The following MVB12B variants were observed in gnomAD, a reference collection of about 807,000 sequenced individuals.
MVB12B encodes multivesicular body subunit 12B, also known as ESCRT-I complex subunit MVB12B.
A neutral mutation model predicts 41.6 loss-of-function variants in MVB12B; 16 were observed. The ratio of observed to expected loss-of-function variants is 0.38; its 90% CI spans 0.26 to 0.58. The LOEUF is 0.58. MVB12B is among the 20% of genes least tolerant of loss of function. The probability of loss-of-function intolerance (pLI) is 0.62; values close to 1 mark genes in which losing one functional copy is unlikely to be tolerated. For missense variants in MVB12B, 274 were observed against 380.2 expected (o/e 0.72, Z 2.32); for synonymous variants, 133 against 139.7 (o/e 0.95, Z 0.34).
At chr9:126,354,276 C>G (rs1829825400) in intron 2 of MVB12B, among the ~76,000 whole-genome samples, 2 of 152,144 alleles carry the variant, frequency 1.3e-5, no homozygotes, top group Non-Finnish European at 2.9e-5. Flanking sequence ...ATCTTTCAGT[C>G]TTGTTCATAG....
chr9:126,374,197 G>T lies in MVB12B; in HGVS notation c.205-6867G>T, dbSNP rs963055443. Among the ~76,000 whole-genome samples the T allele has an allele frequency of 1.4e-4, 21 of 152,278 alleles. No homozygotes were observed. In the South Asian group the frequency reaches 4.1e-3, roughly 30 times the overall value. On this transcript the variant is annotated intron_variant, in intron 2 of 9. Transcript: ENST00000361171. ...AATAACGCTCATCCCATCTTACCAG[G>T]CTCCAGTTACAGAGCCCCACTTTCT...
chr9:126,462,503 A>G (rs1345434258), intron 7 of MVB12B, among the ~76,000 whole-genome samples: 1 of 152,198 alleles, frequency 6.6e-6, no homozygotes, highest in Non-Finnish European at 1.5e-5. Flanking sequence ...TAATTACAGC[A>G]ATTATTATTT....
intron 2 of MVB12B, among the ~76,000 whole-genome samples, chr9:126,345,749 C>T (rs1016071131): frequency 1.3e-5 from 2 of 152,226 alleles, no homozygotes; most frequent in Non-Finnish European, 2.9e-5. Context: ...CCAGAATAAG[C>T]AGGAACTTTG....
intron 2 of MVB12B, among the ~76,000 whole-genome samples, chr9:126,380,609 C>G (rs1018078261): frequency 8.5e-5 from 13 of 152,192 alleles, no homozygotes; most frequent in African/African-American, 3.1e-4. Context: ...ATCCCGTTGA[C>G]TGAAGCACCC....
In MVB12B at chr9:126,483,866, G is replaced by A. The variant is rs982921191; in HGVS notation, c.814-107G>A. ...TCCTGTGGAAAGTGGGTAGAGAAACGCTAGATCACACCGTGGCTTGAGGTG... is the reference window on the plus strand; with the variant it reads ...TCCTGTGGAAAGTGGGTAGAGAAACACTAGATCACACCGTGGCTTGAGGTG... On this transcript the variant is annotated intron_variant, in intron 8 of 9. Transcript: ENST00000361171. The A allele has an allele frequency of 3.4e-5, 39 of 1,162,280 alleles. No homozygotes were observed. The African/African-American group carries it at 4.8e-4, about 14-fold the overall frequency. 72.0% of individuals were successfully genotyped at this position (1,162,280 alleles called of 1,614,324 possible).
chr9:126,341,855 A>G (rs888332458), intron 2 of MVB12B, among the ~76,000 whole-genome samples: 16 of 152,172 alleles, frequency 1.1e-4, no homozygotes, highest in Non-Finnish European at 2.1e-4. Context: ...GAGAACTGCA[A>G]TGGTCAAGGC....
intron 7 of MVB12B, among the ~76,000 whole-genome samples, chr9:126,456,891 T>C (rs72758769): frequency 6.6e-6 from 1 of 152,310 alleles, no homozygotes; most frequent in Non-Finnish European, 1.5e-5. Flanking sequence ...CGTCTTACAA[T>C]TCTGGAACCT....
intron 7 of MVB12B, among the ~76,000 whole-genome samples, chr9:126,464,383 T>C (rs1043710871): frequency 6.6e-6 from 1 of 152,010 alleles, no homozygotes; most frequent in Non-Finnish European, 1.5e-5. Flanking sequence ...AATCCTAAAG[T>C]GTAGGGAGCA....
At chr9:126,327,353 C>A (rs1012533223) in intron 1 of MVB12B, 1 of 983,208 alleles carries the variant, frequency 1.0e-6, no homozygotes, top group Non-Finnish European at 1.2e-6. Flanking sequence ...CCCACCTGGG[C>A]ACAGACTGGG....
chr9:126,420,697 C>T (rs1831985519), intron 6 of MVB12B, among the ~76,000 whole-genome samples: 1 of 151,356 alleles, frequency 6.6e-6, no homozygotes, highest in Non-Finnish European at 1.5e-5. Context: ...AATTCTCCCG[C>T]CTCAGCTTCC....
At chr9:126,335,234 C>T (rs1249393071) in intron 1 of MVB12B, 1 of 1,182,496 alleles carries the variant, frequency 8.5e-7, no homozygotes, top group East Asian at 6.0e-5. Flanking sequence ...TTGACTCTGG[C>T]TGGTCACCAG....
At chr9:126,393,754 C>A (rs753244964) in intron 5 of MVB12B, among the ~76,000 whole-genome samples, 1 of 152,228 alleles carries the variant, frequency 6.6e-6, no homozygotes, top group Non-Finnish European at 1.5e-5. Flanking sequence ...GTTTACAGCC[C>A]CCTCAGCCAT....
intron 6 of MVB12B, among the ~76,000 whole-genome samples, chr9:126,412,985 C>T (rs1027757569): frequency 1.3e-5 from 2 of 152,194 alleles, no homozygotes; most frequent in South Asian, 4.1e-4. Context: ...TTTTATTAGC[C>T]TCCTCTTATT....
chr9:126,344,174 G>C (rs568599738), intron 2 of MVB12B, among the ~76,000 whole-genome samples: 1 of 152,198 alleles, frequency 6.6e-6, no homozygotes, highest in East Asian at 1.9e-4. Flanking sequence ...CCAGCTAGGA[G>C]CTGGGGAGAC....
rs773858077 is a variant in MVB12B, at chr9:126,503,206, C to T, written c.903C>T (p.Ser301=). 7.7e-6 allele frequency: 12 copies of T among 1,550,810 alleles called. No homozygotes were observed. The highest frequency in any genetic ancestry group is 3.6e-5 in the South Asian group (3 of 84,094). ...EYEYSFRTEQ[S]AAARLPPSPT... is the part of the protein sequence containing the mutation. ...AGTACAGCTTCCGCACAGAGCAGAGCGCAGCCGCCAGGCTCCCGCCCAGCC... is the reference window on the plus strand; with the variant it reads ...AGTACAGCTTCCGCACAGAGCAGAGTGCAGCCGCCAGGCTCCCGCCCAGCC... Residue 301 remains serine (S), a synonymous_variant, in exon 10 of 10, where the codon AGC becomes AGT. Transcript: ENST00000361171.
chr9:126,462,392 T>C (rs1233331569), intron 7 of MVB12B, among the ~76,000 whole-genome samples: 1 of 152,244 alleles, frequency 6.6e-6, no homozygotes, highest in Non-Finnish European at 1.5e-5. Context: ...AAAAGTTCCC[T>C]GGCAGCGGCC....
At chr9:126,442,027 G>A (rs991960390) in intron 7 of MVB12B, among the ~76,000 whole-genome samples, 15 of 152,166 alleles carry the variant, frequency 9.9e-5, no homozygotes, top group Admixed American at 5.9e-4. Flanking sequence ...TAACTGCTTG[G>A]AGAAATAGCT....
intron 9 of MVB12B, among the ~76,000 whole-genome samples, chr9:126,498,406 C>A (rs1479077396): frequency 6.6e-6 from 1 of 152,230 alleles, no homozygotes; most frequent in Non-Finnish European, 1.5e-5. Context: ...AGACTCTTCT[C>A]GTTGGCCCCA....
chr9:126,473,570 GGCCAGAGCAGGAACAAGAAT>G lies in MVB12B; in HGVS notation c.758-7779_758-7760del, dbSNP rs1004928916. 1.3e-5 allele frequency among the ~76,000 whole-genome samples: 2 copies of G among 152,162 alleles called. No individual in the cohort carries two copies. Among genetic ancestry groups the G allele is most frequent in the Admixed American group, 6.5e-5 (1 of 15,274 alleles). On this transcript the variant is annotated intron_variant, in intron 7 of 9. Transcript: ENST00000361171. The surrounding 1 kb of genome is among the most constrained non-coding windows in gnomAD (Gnocchi z 4.0). The stretch of plus-strand genomic sequence containing the variant: ...CAAATCCAGAACAGGCTCATCACAT[GGCCAGAGCAGGAACAAGAAT>G]GCCAGAGCAGGAACAAGAAAGCCAA...
Sources: allele counts gnomAD v4.1 joint callset (sites outside exome capture counted in the v4.1 genomes callset), GRCh38; gene constraint gnomAD v4.1.1; non-coding constraint Gnocchi (gnomAD v3.1); transcripts MANE v1.5; gene names NCBI Gene and HGNC (gene_info 2026-07-23, HGNC 2026-07-21).